The following ROBO2 variants were observed in gnomAD, a reference collection of about 807,000 sequenced individuals.
ROBO2 encodes the protein roundabout guidance receptor 2.
In ROBO2, 53 loss-of-function variants were observed where a neutral mutation model predicts 160.8. The ratio of observed to expected loss-of-function variants is 0.33; its 90% confidence interval spans 0.26 to 0.41. The LOEUF (loss-of-function observed/expected upper bound fraction) is 0.41. Ranked by LOEUF, ROBO2 falls within the 10% of genes least tolerant of loss-of-function variation. The probability of loss-of-function intolerance (pLI) is 1.00; values close to 1 mark genes in which losing one functional copy is unlikely to be tolerated. For synonymous variants in ROBO2, 664 were observed against 611.7 expected (o/e 1.09, Z -1.26); for missense variants, 1,577 against 1,722.4 (o/e 0.92, Z 1.49).
chr3:76,447,827 G>A (rs1382383117), intron 2 of ROBO2, among the ~76,000 whole-genome samples: 1 of 146,326 alleles, frequency 6.8e-6, no homozygotes, highest in African/African-American at 2.5e-5. Context: ...TCACTCATAG[G>A]TGGGAATTGA....
rs568211629 is a variant in ROBO2, at chr3:77,596,798, T to C, written c.2854+48T>C. On this transcript the variant is annotated intron_variant, in intron 19 of 25. Transcript: ENST00000461745. ...GTGTTATTTGAGTTCTCTCTCTCTT[T>C]TTTTTTTTTTGACCTTCCTGGATTT... 4,448 of 1,237,992 alleles carry C rather than the reference T, an allele frequency of 3.6e-3. 74 individuals carry two copies. The Admixed American group carries it at 0.058, about 16-fold the overall frequency. 76.7% of individuals were successfully genotyped at this position (1,237,992 alleles called of 1,614,324 possible).
chr3:76,833,877 T>C (rs1323694001), intron 2 of ROBO2, among the ~76,000 whole-genome samples: 1 of 152,106 alleles, frequency 6.6e-6, no homozygotes, highest in East Asian at 1.9e-4. Context: ...TTGCACTGGG[T>C]GGATTTGAGT....
chr3:76,374,785 ATTTTAGT>A (rs1243905309), intron 2 of ROBO2, among the ~76,000 whole-genome samples: 1 of 151,922 alleles, frequency 6.6e-6, no homozygotes, highest in African/African-American at 2.4e-5. Context: ...CAAGTGGTTT[ATTTTAGT>A]TTTATTTTAT....
rs573624931 is a variant in ROBO2, at chr3:76,949,809, G to T, written c.110-148205G>T. ...AGCTATTTAGGAGGTTGAGGAGGGAGTGTCATTGCTTGAGCACAGACCCAG... is the reference window on the plus strand; with the variant it reads ...AGCTATTTAGGAGGTTGAGGAGGGATTGTCATTGCTTGAGCACAGACCCAG... On this transcript the variant is annotated intron_variant, in intron 2 of 26. Coordinates refer to the ROBO2 transcript ENST00000487694. Among the ~76,000 whole-genome samples the T allele has an allele frequency of 8.5e-5, 13 of 152,358 alleles. No individual in the cohort carries two copies. In the South Asian group the frequency reaches 2.7e-3, roughly 32 times the overall value.
At chr3:75,939,143 G>C (rs921515196) in intron 2 of ROBO2, among the ~76,000 whole-genome samples, 1 of 151,712 alleles carries the variant, frequency 6.6e-6, no homozygotes, top group African/African-American at 2.4e-5. Context: ...CAGCCGCGTT[G>C]GGTTTCTGTG....
At chr3:76,631,690 A>C (rs1217234885) in intron 2 of ROBO2, among the ~76,000 whole-genome samples, 1 of 152,214 alleles carries the variant, frequency 6.6e-6, no homozygotes, top group Non-Finnish European at 1.5e-5. Flanking sequence ...TCAGGGTGTC[A>C]GATGTCTCTT....
intron 2 of ROBO2, among the ~76,000 whole-genome samples, chr3:76,699,718 C>T (rs1426982908): frequency 6.6e-6 from 1 of 152,134 alleles, no homozygotes; most frequent in African/African-American, 2.4e-5. Flanking sequence ...ACCATTGATG[C>T]CTTGTAAAAG....
intron 2 of ROBO2, among the ~76,000 whole-genome samples, chr3:76,022,159 T>C (rs1036326277): frequency 6.6e-6 from 1 of 151,854 alleles, no homozygotes; most frequent in Non-Finnish European, 1.5e-5. Flanking sequence ...ATCTTGAAAC[T>C]GCAGCAACTC....
intron 2 of ROBO2, among the ~76,000 whole-genome samples, chr3:76,623,176 T>C (rs1313769309): frequency 6.6e-6 from 1 of 152,210 alleles, no homozygotes; most frequent in East Asian, 1.9e-4. Context: ...GTATGTACAT[T>C]GACTAGAGCA....
At chr3:76,854,389 A>G (rs942800980) in intron 2 of ROBO2, among the ~76,000 whole-genome samples, 6 of 152,170 alleles carry the variant, frequency 3.9e-5, no homozygotes, top group Admixed American at 1.3e-4. Flanking sequence ...TACTGGTTTA[A>G]ATGGTATCTG....
intron 20 of ROBO2, 135 bp from the exon 22 acceptor site, chr3:77,607,663 T>C (rs988222009): frequency 9.9e-6 from 8 of 809,312 alleles, no homozygotes; most frequent in Non-Finnish European, 1.4e-5. Context: ...GATTATATCA[T>C]TTCATTGTTT....
chr3:77,246,772 A>G (rs1483934157), intron 2 of ROBO2, among the ~76,000 whole-genome samples: 1 of 152,198 alleles, frequency 6.6e-6, no homozygotes, highest in Non-Finnish European at 1.5e-5. Context: ...TTTTGTGGAC[A>G]ATGATTTTAA....
At chr3:77,250,999 G>A (rs1002918574) in intron 2 of ROBO2, among the ~76,000 whole-genome samples, 1 of 152,054 alleles carries the variant, frequency 6.6e-6, no homozygotes, top group Non-Finnish European at 1.5e-5. Flanking sequence ...GCTCTCCAGG[G>A]TTGCAGTCTC....
At chr3:76,012,027 C>A (rs1003811535) in intron 2 of ROBO2, among the ~76,000 whole-genome samples, 1 of 152,218 alleles carries the variant, frequency 6.6e-6, no homozygotes, top group East Asian at 1.9e-4. Context: ...TCTTTAATTT[C>A]TAATTTAGCT....
intron 2 of ROBO2, among the ~76,000 whole-genome samples, chr3:77,280,958 C>G (rs960943844): frequency 2.0e-4 from 31 of 152,158 alleles, no homozygotes; most frequent in African/African-American, 7.5e-4. Context: ...CAGGTGACAC[C>G]TGAACAGAGT....
intron 2 of ROBO2, among the ~76,000 whole-genome samples, chr3:77,117,924 A>G (rs2074367434): frequency 2.6e-5 from 4 of 152,176 alleles, no homozygotes; most frequent in Admixed American, 2.6e-4. Flanking sequence ...GAATTACTAA[A>G]CTGATAAGAA....
At chr3:76,698,185 C>T (rs1424381392) in intron 2 of ROBO2, among the ~76,000 whole-genome samples, 2 of 152,138 alleles carry the variant, frequency 1.3e-5, no homozygotes, top group African/African-American at 4.8e-5. Flanking sequence ...AATATGGAGT[C>T]AGTTCTATGA....
At chr3:76,213,741 AT>A (rs1171222970) in intron 2 of ROBO2, among the ~76,000 whole-genome samples, 1 of 152,162 alleles carries the variant, frequency 6.6e-6, no homozygotes, top group African/African-American at 2.4e-5. Flanking sequence ...TAAGCTTTGA[AT>A]TTGAATGTCA....
intron 2 of ROBO2, among the ~76,000 whole-genome samples, chr3:76,012,088 G>A (rs1028072289): frequency 1.3e-5 from 2 of 152,142 alleles, no homozygotes; most frequent in African/African-American, 2.4e-5. Context: ...AATTCTTAAA[G>A]ATTAAATTTT....
Sources: allele counts gnomAD v4.1 joint callset (sites outside exome capture counted in the v4.1 genomes callset), GRCh38; gene constraint gnomAD v4.1.1; transcripts MANE v1.5; gene names NCBI Gene and HGNC (gene_info 2026-07-23, HGNC 2026-07-21).